PCDHGC4: variants seen among roughly 807,000 people sequenced by gnomAD.
The protein encoded by PCDHGC4 is protocadherin gamma subfamily C, 4.
In PCDHGC4, 15 loss-of-function variants were observed where a neutral mutation model predicts 59.7. The ratio of observed to expected loss-of-function variants is 0.25; its 90% confidence interval spans 0.17 to 0.39. PCDHGC4 has a LOEUF of 0.39. Among genes scored for constraint, PCDHGC4 ranks in the 10% least tolerant of loss-of-function variants. The probability of loss-of-function intolerance (pLI) is 1.00; values close to 1 mark genes in which losing one functional copy is unlikely to be tolerated. For missense variants in PCDHGC4, 1,016 were observed against 1,189.5 expected (o/e 0.85, Z 2.15); for synonymous variants, 434 against 481.4 (o/e 0.90, Z 1.29).
chr5:141,501,345 A>G (rs2099808580), intron 2 of PCDHGC4, among the ~76,000 whole-genome samples: 2 of 150,582 alleles, frequency 1.3e-5, no homozygotes, highest in East Asian at 1.9e-4. Context: ...CCCAAACTCA[A>G]TAGGGCAAGA....
rs1040753474 is a variant in PCDHGC4 at position 141,511,446 on chromosome 5, G to T, written c.*273G>T. 3.1e-6 allele frequency: 2 copies of T among 654,526 alleles called. No individual in the cohort carries two copies. The highest frequency in any genetic ancestry group is 3.7e-5 in the African/African-American group (2 of 54,758). 40.5% of individuals were successfully genotyped at this position (654,526 alleles called of 1,614,324 possible). A position where few individuals can be genotyped will look rare whatever the true frequency, so the allele number is the denominator to read the frequency against. ...GTAGTGGGGTTACTGTAGACACCAA[G>T]AACCATTTGCCACACCCCGTTTAGT... On this transcript the variant is annotated 3_prime_UTR_variant, in exon 4 of 4. Transcript: ENST00000306593.
At chr5:141,502,525 G>A (rs1258704254) in intron 2 of PCDHGC4, among the ~76,000 whole-genome samples, 1 of 152,074 alleles carries the variant, frequency 6.6e-6, no homozygotes, top group Non-Finnish European at 1.5e-5. Flanking sequence ...CAGTGATGCC[G>A]AGTTTGTTCG....
Position 141,512,594 on chromosome 5 carries a change from G to C in PCDHGC4, c.*1421G>C, listed in dbSNP as rs981124898. On this transcript the variant is annotated 3_prime_UTR_variant, in exon 4 of 4. Transcript: ENST00000306593. ...CACCCCCTTCTGCCCCTGGGTCCCC[G>C]GCCATCCAGCGGGGCTGCCAGAGAA... 1 of 152,812 alleles carries C rather than the reference G, an allele frequency of 6.5e-6. No homozygotes were observed. The highest frequency in any genetic ancestry group is 6.5e-5 in the Admixed American group (1 of 15,280). The allele number at this position is 152,812 out of a possible 1,614,324, so 9.5% of individuals were successfully genotyped here. A position where few individuals can be genotyped will look rare whatever the true frequency, so the allele number is the denominator to read the frequency against.
chr5:141,502,750 A>G (rs974131144), intron 2 of PCDHGC4, among the ~76,000 whole-genome samples: 3 of 151,928 alleles, frequency 2.0e-5, no homozygotes, highest in Non-Finnish European at 4.4e-5. Context: ...TTCCTTCTAC[A>G]TGTATTTGCT....
Position 141,503,989 on chromosome 5 carries a change from C to T in PCDHGC4, c.2502-1404C>T, listed in dbSNP as rs534696225. Among the ~76,000 whole-genome samples the T allele has an allele frequency of 2.6e-5, 4 of 152,312 alleles. No individual in the cohort carries two copies. The South Asian group carries it at 8.3e-4, about 32-fold the overall frequency. On this transcript the variant is annotated intron_variant, in intron 2 of 3. Transcript: ENST00000306593. ...CATGGTGCCAAACCCTTCTTCTTAC[C>T]TTACAGTCACTTAACTGTCTCTGCT...
intron 2 of PCDHGC4, among the ~76,000 whole-genome samples, chr5:141,499,298 C>A (rs1239333151): frequency 6.6e-6 from 1 of 152,210 alleles, no homozygotes; most frequent in African/African-American, 2.4e-5. Context: ...ACACTACCAT[C>A]CCTCCTCTGA....
chr5:141,498,960 G>GGAGA (rs1381042115), intron 2 of PCDHGC4, among the ~76,000 whole-genome samples: 9 of 118,744 alleles, frequency 7.6e-5, no homozygotes, highest in African/African-American at 2.8e-4. Context: ...AGAGAGAGAG[G>GGAGA]GAGGGAGGGA....
chr5:141,489,983 G>T lies in PCDHGC4; in HGVS notation c.2442+2368G>T. ...CCAACCTTCCAATCCTCAGTTCTACGTGTGGGAATCCCAGAGAATGCACCC... is the reference window on the plus strand; with the variant it reads ...CCAACCTTCCAATCCTCAGTTCTACTTGTGGGAATCCCAGAGAATGCACCC... On this transcript the variant is annotated intron_variant, in intron 1 of 3. Coordinates refer to ENST00000306593, the MANE Select transcript of PCDHGC4 (RefSeq NM_018928.3). The surrounding 1 kb of genome is among the most constrained non-coding windows in gnomAD (Gnocchi z 4.5). The T allele has an allele frequency of 6.2e-7, 1 of 1,614,172 alleles. No homozygotes were observed. Among genetic ancestry groups the T allele is most frequent in the Non-Finnish European group, 8.5e-7 (1 of 1,179,996 alleles).
intron 2 of PCDHGC4, among the ~76,000 whole-genome samples, chr5:141,504,351 G>C (rs77439649): frequency 0.021 from 3,233 of 152,120 alleles, 109 homozygotes; most frequent in African/African-American, 0.075. Context: ...CTTTGTGCTA[G>C]GTGCTTCAGT....
chr5:141,505,402 T>G lies in PCDHGC4; in HGVS notation c.2511T>G (p.Asn837Lys), dbSNP rs1216666169. 1.9e-6 allele frequency: 3 copies of G among 1,614,014 alleles called. No homozygotes were observed. Among genetic ancestry groups the G allele is most frequent in the Non-Finnish European group, 2.5e-6 (3 of 1,180,034 alleles). Residue 837 changes from asparagine (N) to lysine (K), a missense_variant, in exon 3 of 4, where the codon AAT (asparagine) becomes AAG (lysine). Coordinates refer to ENST00000306593, the MANE Select transcript of PCDHGC4 (RefSeq NM_018928.3). The part of the protein sequence containing the change: ...AQRPGTSGSQ[N>K]GDDTGTWPNN... ...CCTACTCTCTCCCCAGCTCCCAAAA[T>G]GGCGATGACACCGGCACCTGGCCCA...
Position 141,486,142 on chromosome 5 carries a change from C to T in PCDHGC4, c.969C>T (p.Arg323=). 6.2e-7 allele frequency: 1 copy of T among 1,614,200 alleles called. No homozygotes were observed. The highest frequency in any genetic ancestry group is 1.3e-5 in the African/African-American group (1 of 75,052). ...ACTATGAATTTGATGTGCGGGCTCG[C>T]GATGGGGGTTCTCCAGCCATGGAGC... ...ENYYEFDVRA[R]DGGSPAMEQH... Residue 323 remains arginine (R), a synonymous_variant, in exon 1 of 4, where the codon CGC becomes CGT. Coordinates refer to ENST00000306593, the MANE Select transcript of PCDHGC4 (RefSeq NM_018928.3). This position sits in a 1 kb window ranked among gnomAD's most constrained non-coding sequence, Gnocchi z 5.0.
At chr5:141,496,178 C>T (rs1481326898) in intron 2 of PCDHGC4, among the ~76,000 whole-genome samples, 2 of 152,080 alleles carry the variant, frequency 1.3e-5, no homozygotes, top group Admixed American at 1.3e-4. Flanking sequence ...CCCATCCAAG[C>T]AGCCCCAGCT....
At chr5:141,501,013 C>T (rs1456343329) in intron 2 of PCDHGC4, among the ~76,000 whole-genome samples, 2 of 151,970 alleles carry the variant, frequency 1.3e-5, no homozygotes, top group Non-Finnish European at 2.9e-5. Context: ...GGACTACAGG[C>T]ACGCGCCACC....
intron 1 of PCDHGC4, among the ~76,000 whole-genome samples, chr5:141,494,070 C>T (rs933213518): frequency 3.9e-5 from 6 of 152,174 alleles, no homozygotes; most frequent in African/African-American, 1.4e-4. Context: ...AGCTGGATCC[C>T]TCCCCGCTGC....
intron 2 of PCDHGC4, among the ~76,000 whole-genome samples, chr5:141,501,868 C>G (rs1016056445): frequency 1.3e-5 from 2 of 152,120 alleles, no homozygotes; most frequent in African/African-American, 2.4e-5. Flanking sequence ...TCCCAGGACG[C>G]CTCCTTACAC....
intron 1 of PCDHGC4, among the ~76,000 whole-genome samples, chr5:141,494,039 G>A (rs901795348): frequency 2.0e-5 from 3 of 152,144 alleles, no homozygotes; most frequent in Non-Finnish European, 4.4e-5. Context: ...GACTTAGTTG[G>A]CCCTGCTTGG....
intron 1 of PCDHGC4, among the ~76,000 whole-genome samples, chr5:141,488,289 TAAGTGAA>T (rs1389982829): frequency 6.6e-6 from 1 of 152,186 alleles, no homozygotes; most frequent in Non-Finnish European, 1.5e-5. Context: ...GAAAAAACAG[TAAGTGAA>T]ATCACTTATG....
chr5:141,488,985 C>G lies in PCDHGC4; in HGVS notation c.2442+1370C>G, dbSNP rs574857958. On this transcript the variant is annotated intron_variant, in intron 1 of 3. Transcript: ENST00000306593. ...ACTTTTTGGCCAATCAGACTCAGAG[C>G]TGAGGTGGGAGATCTGCTCTTCCAG... The G allele has an allele frequency of 7.4e-6, 3 of 405,188 alleles. No homozygotes were observed. In the South Asian group the frequency reaches 2.4e-4, roughly 32 times the overall value. The allele number at this position is 405,188 out of a possible 1,614,324, so 25.1% of individuals were successfully genotyped here.
Position 141,489,640 on chromosome 5 carries a change from G to A in PCDHGC4, c.2442+2025G>A. The A allele has an allele frequency of 1.2e-6, 2 of 1,614,146 alleles. No individual in the cohort carries two copies. Among genetic ancestry groups the A allele is most frequent in the Non-Finnish European group, 1.7e-6 (2 of 1,180,010 alleles). Reference sequence around the variant, plus strand: ...TCTCAATGACAACTCTCCTAGCTTTGCCACCCCTGAGCGAGAGATGCGCAT... The same window carrying A: ...TCTCAATGACAACTCTCCTAGCTTTACCACCCCTGAGCGAGAGATGCGCAT... On this transcript the variant is annotated intron_variant, in intron 1 of 3. Transcript: ENST00000306593. The surrounding 1 kb of genome is among the most constrained non-coding windows in gnomAD (Gnocchi z 4.5).
Sources: gnomAD v4.1 joint callset for allele counts (sites outside exome capture counted in the v4.1 genomes callset) on GRCh38, gnomAD v4.1.1 for gene constraint, Gnocchi (gnomAD v3.1) non-coding constraint, MANE v1.5 for transcripts, NCBI Gene and HGNC (gene_info 2026-07-23, HGNC 2026-07-21) for gene names.